The following DTHD1 variants were observed in gnomAD, a reference collection of about 807,000 sequenced individuals.
DTHD1 encodes death domain-containing protein 1.
A neutral mutation model predicts 74.8 loss-of-function variants in DTHD1; 59 were observed. The ratio of observed to expected loss-of-function variants is 0.79; its 90% CI spans 0.64 to 0.98. The LOEUF is 0.98. Among genes scored for constraint, DTHD1 ranks in the 50% least tolerant of loss-of-function variants. DTHD1 has a pLI of 0.00. For synonymous variants in DTHD1, 365 were observed against 371.1 expected (o/e 0.98, Z 0.19); for missense variants, 1,051 against 1,065.4 (o/e 0.99, Z 0.19).
At chr4:36,311,682 G>A (rs1006031639) in intron 7 of DTHD1, 6 of 152,128 alleles carry the variant, frequency 3.9e-5, no homozygotes, top group Admixed American at 2.0e-4. Context: ...ACCAATGCCA[G>A]TTTCTCCTAC....
intron 8 of DTHD1, among the ~76,000 whole-genome samples, chr4:36,317,770 T>TA (rs1757814536): frequency 6.6e-6 from 1 of 152,240 alleles, no homozygotes; most frequent in African/African-American, 2.4e-5. Flanking sequence ...ACAGTGGTAC[T>TA]AATAGTTGGT....
At chr4:36,329,715 C>A (rs928452335) in intron 8 of DTHD1, among the ~76,000 whole-genome samples, 2 of 152,084 alleles carry the variant, frequency 1.3e-5, no homozygotes, top group Admixed American at 6.5e-5. Context: ...AAAAAGGAAT[C>A]GAAACAGTGA....
intron 8 of DTHD1, among the ~76,000 whole-genome samples, chr4:36,328,579 C>A (rs1228182170): frequency 6.6e-6 from 1 of 152,172 alleles, no homozygotes; most frequent in Non-Finnish European, 1.5e-5. Context: ...CATGGACACA[C>A]CTCCCATCAC....
chr4:36,329,612 A>C (rs1185584951), intron 8 of DTHD1, among the ~76,000 whole-genome samples: 1 of 152,264 alleles, frequency 6.6e-6, no homozygotes, highest in Non-Finnish European at 1.5e-5. Flanking sequence ...TATGACTCAC[A>C]GCAAATAAAA....
rs150255165 is a variant in DTHD1, at chr4:36,296,952, T to C, written c.1643+1913T>C. On this transcript the variant is annotated intron_variant, in intron 5 of 9. Transcript: ENST00000639862. ...CAGGAGAAAAGCCTTACCAATGATA[T>C]AAACAGTCTATTAACACATATTTTG... 2.7e-3 allele frequency among the ~76,000 whole-genome samples: 406 copies of C among 152,260 alleles called. 4 individuals are homozygous for C. The East Asian group carries it at 0.028, about 11-fold the overall frequency.
rs377201878 is a variant in DTHD1 at position 36,313,009 on chromosome 4, T to C, written c.2096-3233T>C. Among the ~76,000 whole-genome samples, 19 of 152,316 alleles carry C rather than the reference T, an allele frequency of 1.2e-4. No individual in the cohort carries two copies. The South Asian group carries it at 2.7e-3, about 22-fold the overall frequency. ...AGCTGGTGGGGAATGGGTTACAATA[T>C]AGAAATACACTGAGCCAGTGGTTCT... is the stretch of plus-strand genomic sequence containing the variant. On this transcript the variant is annotated intron_variant, in intron 7 of 9. Transcript: ENST00000639862.
In DTHD1 at chr4:36,305,414, AC is replaced by A. The variant is rs1010899128; in HGVS notation, c.1644-773del. Among the ~76,000 whole-genome samples the A allele has an allele frequency of 9.9e-5, 15 of 151,946 alleles. 1 individual carries two copies. Among genetic ancestry groups the A allele is most frequent in the Admixed American group, 9.8e-4 (15 of 15,252 alleles). ...GAATGAGAGCCAAGCAAAAGGAGAG[AC>A]CCCTTATAAAACCATCGTATCTCAT... On this transcript the variant is annotated intron_variant, in intron 5 of 9. Transcript: ENST00000639862.
chr4:36,325,441 T>C (rs1273846247), intron 8 of DTHD1, among the ~76,000 whole-genome samples: 1 of 152,216 alleles, frequency 6.6e-6, no homozygotes, highest in Admixed American at 6.5e-5. Context: ...GATCAAGTTT[T>C]GTTAGCAACA....
At chr4:36,310,203 T>G (rs187039903) in intron 7 of DTHD1, among the ~76,000 whole-genome samples, 1 of 152,072 alleles carries the variant, frequency 6.6e-6, no homozygotes, top group African/African-American at 2.4e-5. Context: ...AATGATTATA[T>G]GACAGTGATG....
chr4:36,301,590 C>T (rs1036929117), intron 5 of DTHD1, among the ~76,000 whole-genome samples: 7 of 152,178 alleles, frequency 4.6e-5, no homozygotes, highest in Non-Finnish European at 7.4e-5. Flanking sequence ...GCCCCATTAA[C>T]AATCAAGGAT....
rs979956384 is a variant in DTHD1 at position 36,346,257 on chromosome 4, G to A, written c.*2433G>A. Among the ~76,000 whole-genome samples the A allele has an allele frequency of 6.6e-6, 1 of 150,478 alleles. No homozygotes were observed. The highest frequency in any genetic ancestry group is 6.6e-5 in the Admixed American group (1 of 15,078). ...CACAGACACATGCACACACACACAC[G>A]ACATCTCACTTTACCGTTACCACTT... On this transcript the variant is annotated 3_prime_UTR_variant, in exon 10 of 10. Transcript: ENST00000639862.
chr4:36,343,756 C>T lies in DTHD1; in HGVS notation c.2653C>T (p.Leu885Phe). ...TGGCAGGAGTGATCTTGCAGAAGAG[C>T]TCAAATTCAAGTGGGAAAATAAAGT... ...KIGRSDLAEE[L>F]KFKWENKVFT... The change falls in exon 10 of 10, where the codon CTC becomes TTC. Residue 885 changes from leucine (L) to phenylalanine (F), a missense_variant. Coordinates refer to ENST00000639862, the MANE Select transcript of DTHD1 (RefSeq NM_001170700.3). 2 of 1,551,434 alleles carry T rather than the reference C, an allele frequency of 1.3e-6. No individual in the cohort carries two copies. Among genetic ancestry groups the T allele is most frequent in the South Asian group, 2.4e-5 (2 of 84,052 alleles).
chr4:36,316,123 G>C, intron 7 of DTHD1, 119 bp from the exon 8 acceptor site: 1 of 891,348 alleles, frequency 1.1e-6, no homozygotes, highest in Non-Finnish European at 1.6e-6. Flanking sequence ...TTTTAGTAGA[G>C]ACGGGGTTTC....
chr4:36,339,010 T>A (rs1411525705), intron 8 of DTHD1, 102 bp from the exon 9 acceptor site: 1 of 914,188 alleles, frequency 1.1e-6, no homozygotes, highest in African/African-American at 1.7e-5. Context: ...TGCAATTCAG[T>A]ACTTCTTCGA....
intron 8 of DTHD1, among the ~76,000 whole-genome samples, chr4:36,319,820 C>G (rs1351588929): frequency 6.6e-6 from 1 of 152,208 alleles, no homozygotes; most frequent in Non-Finnish European, 1.5e-5. Context: ...TCTGTGTTTA[C>G]GATTGTCCAG....
rs73117682 is a variant in DTHD1, at chr4:36,304,309, G to A, written c.1644-1882G>A. ...GTGTGAATAAATTATTAACTTCCAAGGGTTATAGAATTTACCATATCTGTG... is the reference window on the plus strand; with the variant it reads ...GTGTGAATAAATTATTAACTTCCAAAGGTTATAGAATTTACCATATCTGTG... On this transcript the variant is annotated intron_variant, in intron 5 of 9. Transcript: ENST00000639862. Among the ~76,000 whole-genome samples the A allele has an allele frequency of 1.3e-3, 202 of 152,266 alleles. 1 individual carries two copies. Among genetic ancestry groups the A allele is most frequent in the African/African-American group, 4.5e-3 (188 of 41,562 alleles).
intron 7 of DTHD1, among the ~76,000 whole-genome samples, chr4:36,313,435 G>C (rs1378952916): frequency 7.0e-6 from 1 of 141,966 alleles, no homozygotes; most frequent in Non-Finnish European, 1.5e-5. Context: ...AAAAAAAACA[G>C]AGTAGTGCAG....
At chr4:36,315,922 C>T (rs1757684894) in intron 7 of DTHD1, 1 of 162,432 alleles carries the variant, frequency 6.2e-6, no homozygotes, top group Non-Finnish European at 1.3e-5. Flanking sequence ...TTAAGTAACA[C>T]AAAGTGGCAC....
chr4:36,319,911 C>T (rs752254498), intron 8 of DTHD1, among the ~76,000 whole-genome samples: 3 of 152,156 alleles, frequency 2.0e-5, no homozygotes, highest in Non-Finnish European at 4.4e-5. Flanking sequence ...CTTACTGAAC[C>T]TCTTTCACAT....
Sources: gnomAD v4.1 joint callset for allele counts (sites outside exome capture counted in the v4.1 genomes callset) on GRCh38, gnomAD v4.1.1 for gene constraint, MANE v1.5 for transcripts, NCBI Gene and HGNC (gene_info 2026-07-23, HGNC 2026-07-21) for gene names.